ZNF709: variants seen among roughly 807,000 people sequenced by gnomAD.
The protein encoded by ZNF709 is zinc finger protein 709.
ZNF709 carries 15 observed loss-of-function variants against 10.6 expected under a neutral mutation model. That is an observed-to-expected ratio of 1.41 (90% CI 0.95 to 2.18). The LOEUF is 2.18. Ranked by LOEUF, ZNF709 falls within the 30% of genes most tolerant of loss-of-function variation. ZNF709 has a pLI of 0.00. For missense variants in ZNF709, 589 were observed against 774.0 expected (o/e 0.76, Z 2.84); for synonymous variants, 194 against 238.8 (o/e 0.81, Z 1.73).
chr19:12,473,558 T>C (rs1044574949), intron 1 of ZNF709, among the ~76,000 whole-genome samples: 1 of 152,186 alleles, frequency 6.6e-6, no homozygotes, highest in East Asian at 1.9e-4. Context: ...ATTGAGGCAA[T>C]GATTGACATG....
At position 12,462,090 on chromosome 19, in the gene ZNF709, A is replaced by C. The variant is rs190583943; in HGVS notation, c.*1906T>G. ...CCATCTCGGAAAAAGAAAGTAAAGA[A>C]AGAAAAGAAAGGGAAAGGGAAAGAA... On this transcript the variant is annotated 3_prime_UTR_variant, in exon 4 of 4. Coordinates refer to ENST00000397732, the MANE Select transcript of ZNF709 (RefSeq NM_152601.4). 3 of 152,306 alleles carry C rather than the reference A, an allele frequency of 2.0e-5. No individual in the cohort carries two copies. The highest frequency in any genetic ancestry group is 2.0e-4 in the Admixed American group (3 of 15,276). 9.4% of individuals were successfully genotyped at this position (152,306 alleles called of 1,614,324 possible). A position where few individuals can be genotyped will look rare whatever the true frequency, so the allele number is the denominator to read the frequency against.
At chr19:12,466,341 T>A (rs1465532688) in intron 3 of ZNF709, 121 bp downstream of exon 3, 1 of 1,052,858 alleles carries the variant, frequency 9.5e-7, no homozygotes, top group Non-Finnish European at 1.4e-6. Context: ...TTGGCAAAAA[T>A]TTTCAAAAAA....
chr19:12,469,230 C>G lies in ZNF709; in HGVS notation c.4-2380G>C, dbSNP rs1970613419. Among the ~76,000 whole-genome samples, 2 of 152,154 alleles carry G rather than the reference C, an allele frequency of 1.3e-5. 1 individual carries two copies. The highest frequency in any genetic ancestry group is 4.1e-4 in the South Asian group (2 of 4,828). On this transcript the variant is annotated intron_variant, in intron 1 of 3. Transcript: ENST00000397732. ...ACACTGAAAAGCCAGAGGGCCCGTGCAACTTGCAACAACATCCTGCTGGCC... is the reference window on the plus strand; with the variant it reads ...ACACTGAAAAGCCAGAGGGCCCGTGGAACTTGCAACAACATCCTGCTGGCC...
At chr19:12,466,551 C>T in intron 2 of ZNF709, 32 bp from the exon 3 acceptor site, 1 of 1,612,392 alleles carries the variant, frequency 6.2e-7, no homozygotes, top group Non-Finnish European at 8.5e-7. Flanking sequence ...ATCATTAAAC[C>T]TATTCGAAAT....
intron 1 of ZNF709, among the ~76,000 whole-genome samples, chr19:12,474,908 T>G (rs1196779761): frequency 1.3e-5 from 2 of 152,134 alleles, no homozygotes; most frequent in East Asian, 3.9e-4. Flanking sequence ...AAGATGAAAG[T>G]ATTTAAAGTG....
At chr19:12,484,612 G>T in intron 1 of ZNF709, 43 bp downstream of exon 1, 1 of 1,609,892 alleles carries the variant, frequency 6.2e-7, no homozygotes, top group African/African-American at 1.3e-5. Context: ...GTTTCAACCC[G>T]CCCCTCTCTC....
At chr19:12,470,381 A>G (rs914198403) in intron 1 of ZNF709, among the ~76,000 whole-genome samples, 1 of 152,206 alleles carries the variant, frequency 6.6e-6, no homozygotes, top group African/African-American at 2.4e-5. Context: ...TGATCACGTA[A>G]GTTCTAATTG....
intron 1 of ZNF709, among the ~76,000 whole-genome samples, chr19:12,481,360 A>G (rs2145009779): frequency 6.6e-6 from 1 of 152,090 alleles, no homozygotes; most frequent in African/African-American, 2.4e-5. Flanking sequence ...CAGCCTCCCG[A>G]GTAGCTGGGA....
At chr19:12,475,257 TA>T (rs71166684) in intron 1 of ZNF709, among the ~76,000 whole-genome samples, 1,837 of 44,636 alleles carry the variant, frequency 0.041, 35 homozygotes, top group African/African-American at 0.12. Flanking sequence ...GATTCCGTCT[TA>T]AAAAAAAAAA....
At chr19:12,474,101 A>T (rs1328450772) in intron 1 of ZNF709, among the ~76,000 whole-genome samples, 1 of 152,204 alleles carries the variant, frequency 6.6e-6, no homozygotes, top group East Asian at 1.9e-4. Flanking sequence ...CTATAAAATC[A>T]TTGTGTTGTT....
chr19:12,465,222 T>C lies in ZNF709; in HGVS notation c.700A>G (p.Ser234Gly), dbSNP rs758523865. 1.9e-6 allele frequency: 3 copies of C among 1,613,028 alleles called. No homozygotes were observed. The African/African-American group carries it at 4.0e-5, about 22-fold the overall frequency. Residue 234 changes from serine to glycine, a missense_variant, in exon 4 of 4, where the codon AGT becomes GGT. By Grantham distance (56) the Ser-to-Gly change is moderately conservative (BLOSUM62 0). Around this residue, in one of 2 missense-constraint regions of ZNF709, gnomAD observed 418 missense variants for 496.3 expected, o/e 0.84. Coordinates refer to ENST00000397732, the MANE Select transcript of ZNF709 (RefSeq NM_152601.4). ...YKCKECGKTF[S>G]HPSSFRNHER... ...TGATTTCGAAAAGAACTGGGATGAC[T>C]GAACGTTTTCCCGCATTCTTTACAT... is the stretch of plus-strand genomic sequence containing the variant.
intron 1 of ZNF709, among the ~76,000 whole-genome samples, chr19:12,476,024 T>C (rs1970675274): frequency 6.6e-6 from 1 of 151,838 alleles, no homozygotes; most frequent in Non-Finnish European, 1.5e-5. Flanking sequence ...CAAAACACAA[T>C]GAAAAAAACA....
At chr19:12,478,557 A>G (rs1034980175) in intron 1 of ZNF709, among the ~76,000 whole-genome samples, 7 of 152,224 alleles carry the variant, frequency 4.6e-5, no homozygotes, top group Non-Finnish European at 8.8e-5. Flanking sequence ...TCTGAACACC[A>G]TGCTCATGGT....
Position 12,464,243 on chromosome 19 carries a change from T to C in ZNF709, c.1679A>G (p.Tyr560Cys). 1 of 1,596,902 alleles carries C rather than the reference T, an allele frequency of 6.3e-7. No individual in the cohort carries two copies. Among genetic ancestry groups the C allele is most frequent in the African/African-American group, 1.3e-5 (1 of 74,524 alleles). Residue 560 changes from tyrosine (Y) to cysteine (C), a missense_variant, in exon 4 of 4, where the codon TAT becomes TGT. Transcript: ENST00000397732. ...GGCCTTACCACATTGTTTACACTCA[T>C]AAGGTTTCTCTCCAGTGTGAGTCCT... is the stretch of plus-strand genomic sequence containing the variant. ...HERTHTGEKP[Y>C]ECKQCGKAFS...
chr19:12,475,257 TAAAAA>T (rs71166684), intron 1 of ZNF709, among the ~76,000 whole-genome samples: 3 of 44,732 alleles, frequency 6.7e-5, no homozygotes, highest in Admixed American at 7.0e-4. Context: ...GATTCCGTCT[TAAAAA>T]AAAAAAAAAA....
chr19:12,469,130 C>T (rs530835009), intron 1 of ZNF709, among the ~76,000 whole-genome samples: 10 of 152,200 alleles, frequency 6.6e-5, no homozygotes, highest in South Asian at 2.1e-4. Context: ...TGTGAGCCAC[C>T]GCACCCAGCC....
chr19:12,481,488 C>T (rs1970726469), intron 1 of ZNF709, among the ~76,000 whole-genome samples: 1 of 152,170 alleles, frequency 6.6e-6, no homozygotes. Flanking sequence ...GATCCTTCTG[C>T]CTCAGCCTCC....
intron 1 of ZNF709, among the ~76,000 whole-genome samples, chr19:12,482,394 G>T (rs1382870321): frequency 6.6e-6 from 1 of 150,794 alleles, no homozygotes; most frequent in Non-Finnish European, 1.5e-5. Flanking sequence ...AGGAGCCAAA[G>T]GAATGAACTC....
At chr19:12,473,358 A>G (rs903779622) in intron 1 of ZNF709, among the ~76,000 whole-genome samples, 2 of 152,228 alleles carry the variant, frequency 1.3e-5, no homozygotes, top group Non-Finnish European at 2.9e-5. Flanking sequence ...TCATGTATTT[A>G]AAGTTCAAAT....
Sources: allele counts gnomAD v4.1 joint callset (sites outside exome capture counted in the v4.1 genomes callset), GRCh38; gene constraint gnomAD v4.1.1; regional missense constraint gnomAD v4.1.1; transcripts MANE v1.5; gene names NCBI Gene and HGNC (gene_info 2026-07-23, HGNC 2026-07-21).